RBBP5: variants seen among roughly 807,000 people sequenced by gnomAD.
RBBP5 encodes RB binding protein 5, histone lysine methyltransferase complex subunit.
In RBBP5, 5 loss-of-function variants were observed where a neutral mutation model predicts 72.2. The ratio of observed to expected loss-of-function variants is 0.07; its 90% confidence interval spans 0.04 to 0.15. The LOEUF (loss-of-function observed/expected upper bound fraction) is 0.15, where lower values mean the gene tolerates loss of function less well. RBBP5 is among the 10% of genes least tolerant of loss of function. The pLI, the probability that RBBP5 is intolerant of heterozygous loss-of-function variation, is 1.00. For synonymous variants in RBBP5, 209 were observed against 237.2 expected (o/e 0.88, Z 1.09); for missense variants, 322 against 652.2 (o/e 0.49, Z 5.51).
In RBBP5 at chr1:205,101,700, G is replaced by T; in HGVS notation, c.532C>A (p.Leu178Ile). Reference sequence around the variant, plus strand: ...ACAAGATCCTGAGAATCTGTTTTTAGGACCAAAATCTAAAGTTTAAAGGAG... The same window carrying T: ...ACAAGATCCTGAGAATCTGTTTTTATGACCAAAATCTAAAGTTTAAAGGAG... ...TGNAKGKILV[L>I]KTDSQDLVAS... The change falls in exon 6 of 14, where the codon CTA becomes ATA. Residue 178 changes from leucine to isoleucine, a missense_variant. Around this residue, in one of 6 missense-constraint regions of RBBP5, gnomAD observed 161 missense variants for 327.8 expected, o/e 0.49. Coordinates refer to ENST00000264515, the MANE Select transcript of RBBP5 (RefSeq NM_005057.4). 1 of 1,611,150 alleles carries T rather than the reference G, an allele frequency of 6.2e-7. No homozygotes were observed. Among genetic ancestry groups the T allele is most frequent in the South Asian group, 1.1e-5 (1 of 90,506 alleles).
At chr1:205,119,546 C>T (rs924602596) in intron 1 of RBBP5, among the ~76,000 whole-genome samples, 1 of 152,168 alleles carries the variant, frequency 6.6e-6, no homozygotes, top group Non-Finnish European at 1.5e-5. Flanking sequence ...TACAAGTAAG[C>T]GTCAACCTTT....
rs992601892 is a variant in RBBP5, at chr1:205,121,976, G to T, written c.-103C>A. ...AAGTGGTGGACGCCGCGAAGAGACT[G>T]GCGCAAGCTCCGAAGACTTTCGGCC... On this transcript the variant is annotated 5_prime_UTR_variant, in exon 1 of 14. Coordinates refer to ENST00000264515, the MANE Select transcript of RBBP5 (RefSeq NM_005057.4). 22 of 1,555,582 alleles carry T rather than the reference G, an allele frequency of 1.4e-5. No individual in the cohort carries two copies. In the South Asian group the frequency reaches 2.3e-4, roughly 16 times the overall value.
intron 10 of RBBP5, among the ~76,000 whole-genome samples, chr1:205,097,721 G>A (rs1655670758): frequency 6.6e-6 from 1 of 152,216 alleles, no homozygotes. Context: ...AACAATTTAT[G>A]TGGAAATCTG....
At position 205,086,820 on chromosome 1, in the gene RBBP5, C is replaced by G. The variant is rs1655157713; in HGVS notation, c.*1967G>C. The G allele has an allele frequency of 6.6e-6, 1 of 152,234 alleles. No individual in the cohort carries two copies. The highest frequency in any genetic ancestry group is 1.5e-5 in the Non-Finnish European group (1 of 68,132). The allele number at this position is 152,234 out of a possible 1,614,324, so 9.4% of individuals were successfully genotyped here. ...GCAGAGGAAACCAAGCTACTTCACA[C>G]GTGGAAAGATGGCAGAAACCCTCTA... On this transcript the variant is annotated 3_prime_UTR_variant, in exon 14 of 14. Coordinates refer to ENST00000264515, the MANE Select transcript of RBBP5 (RefSeq NM_005057.4).
intron 6 of RBBP5, among the ~76,000 whole-genome samples, chr1:205,100,763 T>C (rs1655787620): frequency 8.5e-5 from 13 of 152,236 alleles, no homozygotes; most frequent in Admixed American, 8.5e-4. Context: ...CAAGAGAATT[T>C]TGAACATTAA....
chr1:205,091,258 C>T (rs953844373), intron 13 of RBBP5: 1 of 152,294 alleles, frequency 6.6e-6, no homozygotes, highest in African/African-American at 2.4e-5. Flanking sequence ...TGAGCAATCA[C>T]AGACAACTAG....
Position 205,101,640 on chromosome 1 carries a change from T to C in RBBP5, c.592A>G (p.Thr198Ala), listed in dbSNP as rs748242807. The C allele has an allele frequency of 4.3e-6, 7 of 1,613,614 alleles. No individual in the cohort carries two copies. Among genetic ancestry groups the C allele is most frequent in the Non-Finnish European group, 5.9e-6 (7 of 1,179,864 alleles). Reference sequence around the variant, plus strand: ...AACTCAATTGACTTAATGGCTGTGGTATTGCTTGTTCCAGTTGTCACTCTG... The same window carrying C: ...AACTCAATTGACTTAATGGCTGTGGCATTGCTTGTTCCAGTTGTCACTCTG... The part of the protein sequence containing the change: ...SFRVTTGTSN[T>A]TAIKSIEFAR... Residue 198 changes from threonine (T) to alanine (A), a missense_variant, in exon 6 of 14, where the codon ACC (threonine) becomes GCC (alanine). Transcript: ENST00000264515.
At chr1:205,104,430 A>G (rs934847910) in intron 4 of RBBP5, among the ~76,000 whole-genome samples, 2 of 152,080 alleles carry the variant, frequency 1.3e-5, no homozygotes, top group South Asian at 4.2e-4. Flanking sequence ...GGCCGAGGCA[A>G]GAGAATCGCT....
rs1655196643 is a variant in RBBP5, at chr1:205,087,920, T to A, written c.*867A>T. ...ATGTGGTTGCTGCTTTGATTCTGGA[T>A]GGTTTTACTTTACTCCTTGCATAGA... On this transcript the variant is annotated 3_prime_UTR_variant, in exon 14 of 14. Coordinates refer to ENST00000264515, the MANE Select transcript of RBBP5 (RefSeq NM_005057.4). 1 of 152,654 alleles carries A rather than the reference T, an allele frequency of 6.6e-6. No individual in the cohort carries two copies. Among genetic ancestry groups the A allele is most frequent in the South Asian group, 2.1e-4 (1 of 4,838 alleles). 9.5% of individuals were successfully genotyped at this position (152,654 alleles called of 1,614,324 possible).
At position 205,088,753 on chromosome 1, in the gene RBBP5, C is replaced by G; in HGVS notation, c.*34G>C. Reference sequence around the variant, plus strand: ...ACAGTGTCCAGAGGCCACATGATGGCAAAGTGAGAAAGAATGAAGAACTTC... The same window carrying G: ...ACAGTGTCCAGAGGCCACATGATGGGAAAGTGAGAAAGAATGAAGAACTTC... On this transcript the variant is annotated 3_prime_UTR_variant, in exon 14 of 14. Coordinates refer to ENST00000264515, the MANE Select transcript of RBBP5 (RefSeq NM_005057.4). 1 of 1,576,250 alleles carries G rather than the reference C, an allele frequency of 6.3e-7. No individual in the cohort carries two copies.
intron 3 of RBBP5, among the ~76,000 whole-genome samples, chr1:205,106,882 A>T (rs1574706627): frequency 6.6e-6 from 1 of 152,178 alleles, no homozygotes; most frequent in Non-Finnish European, 1.5e-5. Context: ...TACAGAGAAG[A>T]ACCAAATGGG....
rs140221925 is a variant in RBBP5, at chr1:205,092,995, A to C, written c.1588+1878T>G. 1.1e-3 allele frequency among the ~76,000 whole-genome samples: 165 copies of C among 152,332 alleles called. 1 individual carries two copies. The highest frequency in any genetic ancestry group is 3.7e-3 in the African/African-American group (155 of 41,592). On this transcript the variant is annotated intron_variant, in intron 13 of 13. Transcript: ENST00000264515. ...GGCCACATTTTAAATCACCCTTAAAATATTTTAGCTCTCCAGGCCAGGGAA... is the reference window on the plus strand; with the variant it reads ...GGCCACATTTTAAATCACCCTTAAACTATTTTAGCTCTCCAGGCCAGGGAA...
intron 3 of RBBP5, among the ~76,000 whole-genome samples, chr1:205,114,006 G>T (rs1656426015): frequency 6.6e-6 from 1 of 152,094 alleles, no homozygotes. Context: ...TTTATTGCAA[G>T]AATACAACAA....
intron 5 of RBBP5, among the ~76,000 whole-genome samples, chr1:205,102,097 T>C (rs900227115): frequency 6.6e-6 from 1 of 152,108 alleles, no homozygotes; most frequent in Non-Finnish European, 1.5e-5. Flanking sequence ...GGTTTCTTCA[T>C]GTTGGTCAGG....
At chr1:205,107,396 G>A (rs920391561) in intron 3 of RBBP5, among the ~76,000 whole-genome samples, 1 of 151,998 alleles carries the variant, frequency 6.6e-6, no homozygotes, top group Non-Finnish European at 1.5e-5. Context: ...CTTATCTATA[G>A]GGGAACAACA....
chr1:205,102,309 A>T (rs1199494363), intron 5 of RBBP5, among the ~76,000 whole-genome samples: 3 of 152,210 alleles, frequency 2.0e-5, no homozygotes. Flanking sequence ...CATAAAATGG[A>T]GTATTATTGA....
chr1:205,099,187 T>G lies in RBBP5; in HGVS notation c.979-81A>C, dbSNP rs934200378. 6.8e-6 allele frequency: 6 copies of G among 881,466 alleles called. No individual in the cohort carries two copies. The highest frequency in any genetic ancestry group is 9.9e-6 in the Non-Finnish European group (6 of 608,404). The allele number at this position is 881,466 out of a possible 1,614,324, so 54.6% of individuals were successfully genotyped here. A position where few individuals can be genotyped will look rare whatever the true frequency, so the allele number is the denominator to read the frequency against. ...CACATTAATGATAAAATGAAAGATG[T>G]GAGCATGAAAGGAATTCACAATTCT... On this transcript the variant is annotated intron_variant, in intron 9 of 13. Transcript: ENST00000264515. The surrounding 1 kb of genome is among the most constrained non-coding windows in gnomAD (Gnocchi z 4.7).
chr1:205,117,531 A>T (rs929346303), intron 1 of RBBP5, among the ~76,000 whole-genome samples: 1 of 151,048 alleles, frequency 6.6e-6, no homozygotes, highest in Non-Finnish European at 1.5e-5. Flanking sequence ...GTGGTGGCGC[A>T]TGCCTGTAAT....
At chr1:205,117,450 C>A (rs528495171) in intron 1 of RBBP5, among the ~76,000 whole-genome samples, 1 of 151,758 alleles carries the variant, frequency 6.6e-6, no homozygotes, top group South Asian at 2.1e-4. Context: ...CACCTGAGGT[C>A]GGGAGTTCAA....
Sources: gnomAD v4.1 joint callset for allele counts (sites outside exome capture counted in the v4.1 genomes callset) on GRCh38, gnomAD v4.1.1 for gene constraint, gnomAD v4.1.1 regional missense constraint, Gnocchi (gnomAD v3.1) non-coding constraint, MANE v1.5 for transcripts, NCBI Gene and HGNC (gene_info 2026-07-23, HGNC 2026-07-21) for gene names.